Variants in FBXW10 observed in about 807,000 individuals in gnomAD.
FBXW10 encodes the protein F-box and WD repeat domain containing 10.
Under a neutral mutation model 113.1 loss-of-function variants are expected in FBXW10, and 68 were observed. The ratio of observed to expected loss-of-function variants is 0.60; its 90% CI spans 0.49 to 0.74. FBXW10 has a LOEUF of 0.74. FBXW10 is among the 30% of genes least tolerant of loss of function. The probability of loss-of-function intolerance (pLI) is 0.00; values close to 1 mark genes in which losing one functional copy is unlikely to be tolerated. For missense variants in FBXW10, 753 were observed against 1,284.5 expected (o/e 0.59, Z 6.32); for synonymous variants, 289 against 481.6 (o/e 0.60, Z 5.24).
intron 7 of FBXW10, among the ~76,000 whole-genome samples, chr17:18,759,250 C>G (rs949634321): frequency 2.8e-4 from 43 of 152,060 alleles, no homozygotes; most frequent in African/African-American, 8.7e-4. Context: ...AATAAGATAC[C>G]ACCATTCCCC....
chr17:18,754,300 G>A (rs981044611), intron 5 of FBXW10, among the ~76,000 whole-genome samples: 6 of 152,322 alleles, frequency 3.9e-5, no homozygotes, highest in African/African-American at 1.4e-4. Context: ...TGGGTTGGGA[G>A]AATCCAGGGC....
chr17:18,761,827 T>G (rs2035390844), intron 7 of FBXW10, among the ~76,000 whole-genome samples: 1 of 152,224 alleles, frequency 6.6e-6, no homozygotes, highest in Admixed American at 6.5e-5. Context: ...TAATTTTGCT[T>G]ATATTTTCAA....
intron 12 of FBXW10, among the ~76,000 whole-genome samples, chr17:18,774,262 T>G (rs1323278438): frequency 6.6e-6 from 1 of 152,220 alleles, no homozygotes; most frequent in Non-Finnish European, 1.5e-5. Flanking sequence ...CTGGAAGGAA[T>G]GGTCACGCAC....
chr17:18,758,608 C>T (rs554653829), intron 7 of FBXW10, 103 bp downstream of exon 7: 45 of 1,353,844 alleles, frequency 3.3e-5, no homozygotes, highest in Non-Finnish European at 4.2e-5. Context: ...AACAGTTTTC[C>T]TAGAAGATAC....
At chr17:18,773,361 A>C (rs1333012255) in intron 12 of FBXW10, among the ~76,000 whole-genome samples, 1 of 152,206 alleles carries the variant, frequency 6.6e-6, no homozygotes, top group Non-Finnish European at 1.5e-5. Flanking sequence ...CATATATTAC[A>C]TAACTATTTC....
chr17:18,747,890 C>T, intron 1 of FBXW10, 51 bp from the exon 2 acceptor site: 2 of 1,613,210 alleles, frequency 1.2e-6, no homozygotes, highest in Non-Finnish European at 1.7e-6. Context: ...CCTCATTTTC[C>T]TCAACACACC....
chr17:18,765,949 G>C (rs182066235), intron 8 of FBXW10, among the ~76,000 whole-genome samples: 2 of 151,152 alleles, frequency 1.3e-5, no homozygotes, highest in Admixed American at 1.3e-4. Context: ...GGCTGGTCTC[G>C]ATTTCCTGAC....
At chr17:18,761,273 T>C (rs1567620310) in intron 7 of FBXW10, among the ~76,000 whole-genome samples, 1 of 152,072 alleles carries the variant, frequency 6.6e-6, no homozygotes, top group South Asian at 2.1e-4. Flanking sequence ...CTTTTCTTTT[T>C]TTTTTTTTTT....
chr17:18,767,306 A>G (rs1486687892), intron 9 of FBXW10, among the ~76,000 whole-genome samples: 2 of 152,050 alleles, frequency 1.3e-5, no homozygotes, highest in African/African-American at 4.8e-5. Flanking sequence ...CCCTGTCTCT[A>G]CTAAAAAAAA....
Position 18,772,494 on chromosome 17 carries a change from CAAA to C in FBXW10, c.2091_2093del (p.Lys699del). The C allele has an allele frequency of 6.2e-7, 1 of 1,613,734 alleles. No homozygotes were observed. Among genetic ancestry groups the C allele is most frequent in the Non-Finnish European group, 8.5e-7 (1 of 1,179,770 alleles). On this transcript the variant is annotated inframe_deletion, in exon 12 of 14. Coordinates refer to ENST00000395665, the MANE Select transcript of FBXW10 (RefSeq NM_001267585.2). Reference sequence around the variant, plus strand: ...GCAGTATGCCGTGGAAAAAACGAAACAAAAGAAGAATAAGGAGAAAGAGGAGGA... The same window carrying C: ...GCAGTATGCCGTGGAAAAAACGAAACAGAAGAATAAGGAGAAAGAGGAGGA...
In FBXW10 at chr17:18,758,442, G is replaced by C; in HGVS notation, c.1370G>C (p.Arg457Pro). The C allele has an allele frequency of 6.2e-7, 1 of 1,611,112 alleles. No homozygotes were observed. Among genetic ancestry groups the C allele is most frequent in the East Asian group, 2.2e-5 (1 of 44,838 alleles). ...VEFRGHAGSV[R>P]ALFLCEEENF... The stretch of plus-strand genomic sequence containing the variant: ...TTCCGAGGCCATGCTGGGAGTGTCC[G>C]GGCCCTCTTCCTGTGTGAGGAGGAA... Residue 457 changes from arginine (R) to proline (P), a missense_variant, in exon 7 of 14, where the codon CGG becomes CCG. Transcript: ENST00000395665.
chr17:18,757,968 T>C (rs1464759912), intron 6 of FBXW10, among the ~76,000 whole-genome samples: 1 of 152,178 alleles, frequency 6.6e-6, no homozygotes, highest in African/African-American at 2.4e-5. Flanking sequence ...TCTGACGTTT[T>C]CCAAGAAAAA....
chr17:18,746,924 T>G (rs2035049291), intron 1 of FBXW10, among the ~76,000 whole-genome samples: 1 of 149,246 alleles, frequency 6.7e-6, no homozygotes, highest in Admixed American at 6.6e-5. Context: ...ACCTTCTTTT[T>G]TTTTTTTTTT....
rs10580273 is a variant in FBXW10, at chr17:18,749,374, T to TA, written c.671-334dup. Reference sequence around the variant, plus strand: ...TAACACGGTGAAACCCCGCCTCTACTAAAAAAAAAAAAAATACAAAAAATT... The same window carrying TA: ...TAACACGGTGAAACCCCGCCTCTACTAAAAAAAAAAAAAAATACAAAAAATT... On this transcript the variant is annotated intron_variant, in intron 2 of 13. Coordinates refer to ENST00000395665, the MANE Select transcript of FBXW10 (RefSeq NM_001267585.2). Among the ~76,000 whole-genome samples, 76 of 147,836 alleles carry TA rather than the reference T, an allele frequency of 5.1e-4. No individual in the cohort carries two copies. The South Asian group carries it at 5.7e-3, about 11-fold the overall frequency.
intron 9 of FBXW10, among the ~76,000 whole-genome samples, chr17:18,767,929 C>G (rs1246329533): frequency 6.6e-6 from 1 of 152,316 alleles, no homozygotes; most frequent in East Asian, 1.9e-4. Context: ...CCACCCTGAT[C>G]CCATTCCTCC....
intron 1 of FBXW10, among the ~76,000 whole-genome samples, chr17:18,747,049 C>T (rs1160210398): frequency 1.1e-4 from 16 of 151,860 alleles, no homozygotes; most frequent in African/African-American, 2.4e-4. Flanking sequence ...CTCAGCCTCC[C>T]GAGTAGCTGG....
chr17:18,760,664 A>G (rs1481407402), intron 7 of FBXW10, among the ~76,000 whole-genome samples: 2 of 152,164 alleles, frequency 1.3e-5, no homozygotes, highest in Admixed American at 6.6e-5. Context: ...TTAGCTGGGC[A>G]TGGTGGCACA....
chr17:18,770,497 T>C (rs67338964), intron 11 of FBXW10, among the ~76,000 whole-genome samples: 32,889 of 150,028 alleles, frequency 0.22, 3,466 homozygotes, highest in East Asian at 0.52. Flanking sequence ...AGAGACGGGG[T>C]TTCACCATCT....
Position 18,756,162 on chromosome 17 carries a change from C to T in FBXW10, c.1232+8C>T. The T allele has an allele frequency of 6.2e-7, 1 of 1,609,576 alleles. No homozygotes were observed. On this transcript the variant is annotated splice_region_variant and intron_variant, in intron 6 of 13. Transcript: ENST00000395665. The stretch of plus-strand genomic sequence containing the variant: ...TCGCATTCTCTCTGACACGTAGGTA[C>T]TGGGGTCAGAATCTGGGTCTCTAGG...
Sources: gnomAD v4.1 joint callset for allele counts (sites outside exome capture counted in the v4.1 genomes callset) on GRCh38, gnomAD v4.1.1 for gene constraint, MANE v1.5 for transcripts, NCBI Gene and HGNC (gene_info 2026-07-23, HGNC 2026-07-21) for gene names.